Variants in CNTN4 observed in about 807,000 individuals in gnomAD.
CNTN4 encodes the protein contactin-4.
A neutral mutation model predicts 122.5 loss-of-function variants in CNTN4; 77 were observed. The ratio of observed to expected loss-of-function variants is 0.63; its 90% CI spans 0.52 to 0.76. The LOEUF (loss-of-function observed/expected upper bound fraction) is 0.76. Ranked by LOEUF, CNTN4 falls within the 30% of genes least tolerant of loss-of-function variation. The pLI is 0.00. For missense variants in CNTN4, 1,256 were observed against 1,259.1 expected, an observed-to-expected ratio of 1.00 and a Z score of 0.04; for synonymous variants, 512 against 447.0, an observed-to-expected ratio of 1.15 and a Z score of -1.83.
intron 14 of CNTN4, among the ~76,000 whole-genome samples, chr3:3,021,275 T>A (rs1392943280): frequency 6.6e-6 from 1 of 152,214 alleles, no homozygotes; most frequent in Non-Finnish European, 1.5e-5. Flanking sequence ...TATCTTGCAC[T>A]GATTTTTATT....
intron 4 of CNTN4, among the ~76,000 whole-genome samples, chr3:2,676,988 C>T (rs1254205782): frequency 3.9e-5 from 6 of 152,022 alleles, no homozygotes. Flanking sequence ...CTGCAGGGTT[C>T]TGGTTTTTTA....
intron 13 of CNTN4, among the ~76,000 whole-genome samples, chr3:2,982,658 G>A (rs1180389753): frequency 2.6e-5 from 4 of 152,086 alleles, no homozygotes; most frequent in Non-Finnish European, 5.9e-5. Flanking sequence ...TTGATGGCAT[G>A]CTTCTACACC....
chr3:2,706,169 G>A (rs1312554286), intron 4 of CNTN4, among the ~76,000 whole-genome samples: 1 of 151,048 alleles, frequency 6.6e-6, no homozygotes, highest in Non-Finnish European at 1.5e-5. Flanking sequence ...TTTAAAATAC[G>A]CTTTATAGAA....
chr3:2,929,951 G>A (rs2094505332), intron 13 of CNTN4, among the ~76,000 whole-genome samples: 1 of 152,166 alleles, frequency 6.6e-6, no homozygotes, highest in Non-Finnish European at 1.5e-5. Context: ...CCATGCCAGG[G>A]CAGGGATCCC....
chr3:2,305,916 G>A (rs1269983131), intron 2 of CNTN4, among the ~76,000 whole-genome samples: 1 of 152,116 alleles, frequency 6.6e-6, no homozygotes, highest in African/African-American at 2.4e-5. Flanking sequence ...ACTTCTTTCA[G>A]TTAGCATGAC....
chr3:2,140,699 T>C (rs2034949086), intron 2 of CNTN4, among the ~76,000 whole-genome samples: 1 of 152,190 alleles, frequency 6.6e-6, no homozygotes, highest in South Asian at 2.1e-4. Context: ...ATTCAGACCA[T>C]AGCATAGGCC....
intron 6 of CNTN4, among the ~76,000 whole-genome samples, chr3:2,795,873 T>C (rs1017507579): frequency 6.6e-6 from 1 of 152,154 alleles, no homozygotes; most frequent in African/African-American, 2.4e-5. Flanking sequence ...TAGGTACATG[T>C]GATCAAGGCA....
intron 2 of CNTN4, among the ~76,000 whole-genome samples, chr3:2,264,597 C>T (rs1032033080): frequency 1.3e-5 from 2 of 152,114 alleles, no homozygotes; most frequent in East Asian, 3.9e-4. Flanking sequence ...GTTTGCAGTG[C>T]AGAAGCTTAA....
Position 2,856,962 on chromosome 3 carries a change from G to A in CNTN4, c.455-9790G>A, listed in dbSNP as rs537153857. On this transcript the variant is annotated intron_variant, in intron 7 of 24. Transcript: ENST00000418658. ...TTAATCTGACAGCGTTGTATGGGTTGGCCTGCAGTGGCACTGAACCTGACA... is the reference window on the plus strand; with the variant it reads ...TTAATCTGACAGCGTTGTATGGGTTAGCCTGCAGTGGCACTGAACCTGACA... Among the ~76,000 whole-genome samples the A allele has an allele frequency of 3.3e-5, 5 of 152,270 alleles. No individual in the cohort carries two copies. In the South Asian group the frequency reaches 6.2e-4, roughly 19 times the overall value.
chr3:2,337,108 TC>T (rs1207917965), intron 2 of CNTN4, among the ~76,000 whole-genome samples: 2 of 152,092 alleles, frequency 1.3e-5, no homozygotes, highest in African/African-American at 4.8e-5. Context: ...TCCCATATAT[TC>T]CCCCTCACTC....
intron 4 of CNTN4, among the ~76,000 whole-genome samples, chr3:2,729,707 G>A (rs2088532259): frequency 6.6e-6 from 1 of 152,040 alleles, no homozygotes; most frequent in Admixed American, 6.6e-5. Flanking sequence ...AAGGTCAGGA[G>A]TTCGAGACCG....
intron 2 of CNTN4, among the ~76,000 whole-genome samples, chr3:2,337,650 T>G (rs2044009689): frequency 6.6e-6 from 1 of 152,122 alleles, no homozygotes; most frequent in Non-Finnish European, 1.5e-5. Flanking sequence ...GGAGCTTATG[T>G]TCTCAAACAA....
chr3:2,747,900 A>T (rs1049825812), intron 6 of CNTN4, among the ~76,000 whole-genome samples: 5 of 152,266 alleles, frequency 3.3e-5, no homozygotes, highest in Non-Finnish European at 5.9e-5. Flanking sequence ...AAATTGAGCC[A>T]AATATCTCAA....
At chr3:2,932,349 G>C (rs1362129562) in intron 13 of CNTN4, among the ~76,000 whole-genome samples, 1 of 152,162 alleles carries the variant, frequency 6.6e-6, no homozygotes, top group East Asian at 1.9e-4. Flanking sequence ...CTGCACTCCA[G>C]CCTGAGTGAC....
intron 7 of CNTN4, among the ~76,000 whole-genome samples, chr3:2,852,461 C>G (rs1363077805): frequency 1.3e-5 from 2 of 152,106 alleles, no homozygotes; most frequent in Non-Finnish European, 2.9e-5. Flanking sequence ...TGTAAGTCAT[C>G]AAATGATTCT....
intron 2 of CNTN4, among the ~76,000 whole-genome samples, chr3:2,279,273 G>GA (rs1181811370): frequency 1.3e-5 from 2 of 151,874 alleles, no homozygotes; most frequent in Middle Eastern, 3.4e-3. Flanking sequence ...TCTAATCAAA[G>GA]AAAAAAAACA....
At chr3:2,854,745 C>T (rs2093600059) in intron 7 of CNTN4, among the ~76,000 whole-genome samples, 1 of 152,116 alleles carries the variant, frequency 6.6e-6, no homozygotes, top group African/African-American at 2.4e-5. Context: ...GATTATATTA[C>T]TTGAAAGCTT....
At chr3:2,148,079 T>A (rs1358714366) in intron 2 of CNTN4, among the ~76,000 whole-genome samples, 1 of 152,126 alleles carries the variant, frequency 6.6e-6, no homozygotes. Context: ...CAAGTTGGAA[T>A]GATTTCATGG....
rs1457901593 is a variant in CNTN4, at chr3:3,026,292, C to G, written c.1662+15C>G. The G allele has an allele frequency of 6.2e-7, 1 of 1,608,416 alleles. No individual in the cohort carries two copies. Among genetic ancestry groups the G allele is most frequent in the East Asian group, 2.2e-5 (1 of 44,822 alleles). ...GAGTTGGAGGGGTAAGTATTAATAG[C>G]AAAAACTGACTCAAACTAACTTGTT... On this transcript the variant is annotated intron_variant, in intron 15 of 24. Transcript: ENST00000418658.
Sources: allele counts gnomAD v4.1 joint callset (sites outside exome capture counted in the v4.1 genomes callset), GRCh38; gene constraint gnomAD v4.1.1; transcripts MANE v1.5; gene names NCBI Gene and HGNC (gene_info 2026-07-23, HGNC 2026-07-21).